SLC25A26: variants seen among roughly 807,000 people sequenced by gnomAD.
SLC25A26 encodes mitochondrial S-adenosylmethionine carrier protein.
SLC25A26 carries 36 observed loss-of-function variants against 37.8 expected under a neutral mutation model. The ratio of observed to expected loss-of-function variants is 0.95; its 90% CI spans 0.73 to 1.26. The LOEUF is 1.26. Ranked by LOEUF, SLC25A26 falls within the 50% of genes most tolerant of loss-of-function variation. The pLI is 0.00. For missense variants in SLC25A26, 390 were observed against 331.1 expected, an observed-to-expected ratio of 1.18 and a Z score of -1.38; for synonymous variants, 129 against 122.5, an observed-to-expected ratio of 1.05 and a Z score of -0.35.
At chr3:66,145,781 C>G (rs960785963) in intron 1 of SLC25A26, among the ~76,000 whole-genome samples, 1 of 152,044 alleles carries the variant, frequency 6.6e-6, no homozygotes, top group African/African-American at 2.4e-5. Flanking sequence ...GAAAACTAGT[C>G]AAATCCAAAA....
intron 1 of SLC25A26, among the ~76,000 whole-genome samples, chr3:66,139,394 A>G (rs1015437570): frequency 3.4e-4 from 52 of 152,354 alleles, no homozygotes; most frequent in African/African-American, 1.3e-3. Flanking sequence ...AATGCCTCCA[A>G]TAAAAAGAAA....
At chr3:66,277,796 C>G (rs1488325659) in intron 5 of SLC25A26, among the ~76,000 whole-genome samples, 2 of 152,030 alleles carry the variant, frequency 1.3e-5, no homozygotes, top group Non-Finnish European at 2.9e-5. Flanking sequence ...TCATACATCT[C>G]TAATATAATG....
intron 1 of SLC25A26, among the ~76,000 whole-genome samples, chr3:66,165,863 C>A (rs978560435): frequency 6.6e-6 from 1 of 152,040 alleles, no homozygotes; most frequent in African/African-American, 2.4e-5. Context: ...GGAAACACAA[C>A]ATGCAAGGAG....
At chr3:66,262,359 G>A (rs2073563883) in intron 4 of SLC25A26, among the ~76,000 whole-genome samples, 1 of 152,118 alleles carries the variant, frequency 6.6e-6, no homozygotes, top group South Asian at 2.1e-4. Context: ...AAATTTCTGA[G>A]CATAACATTG....
intron 1 of SLC25A26, among the ~76,000 whole-genome samples, chr3:66,193,258 G>C (rs1406271341): frequency 1.3e-5 from 2 of 152,012 alleles, no homozygotes; most frequent in African/African-American, 4.8e-5. Context: ...ACTACAATTT[G>C]TTATATAAAT....
intron 5 of SLC25A26, among the ~76,000 whole-genome samples, chr3:66,331,993 ACGATCTTGGCTCG>A (rs67702744): frequency 0.045 from 6,856 of 152,042 alleles, 522 homozygotes; most frequent in African/African-American, 0.15. Flanking sequence ...GTGCAATGGC[ACGATCTTGGCTCG>A]CTGCATCCCC....
In SLC25A26 at chr3:66,239,204, G is replaced by A. The variant is rs144915277; in HGVS notation, c.190+2504G>A. ...AAGTTGTCTTCTGTTAATTCCTCTG[G>A]TGTGGTGTCTGTTAGCTCTTGAATT... On this transcript the variant is annotated intron_variant, in intron 2 of 9. Transcript: ENST00000354883. Among the ~76,000 whole-genome samples, 899 of 151,330 alleles carry A rather than the reference G, an allele frequency of 5.9e-3. 72 individuals carry two copies. The East Asian group carries it at 0.15, about 26-fold the overall frequency.
intron 9 of SLC25A26, among the ~76,000 whole-genome samples, chr3:66,373,986 C>T (rs1265939664): frequency 1.3e-5 from 2 of 150,620 alleles, no homozygotes; most frequent in East Asian, 3.9e-4. Flanking sequence ...CTCTCCAGGC[C>T]ACCAGCTTGC....
rs1319980813 is a variant in SLC25A26 at position 66,221,100 on chromosome 3, C to A, written c.6C>A (p.Asp2Glu). ...TTGACGAGGTCTGAGCGACCATGGA[C>A]CGGCCGGGGTTCGTGGCAGCGCTGG... M[D>E]RPGFVAALVA... Residue 2 changes from aspartate (D) to glutamate (E), a missense_variant, in exon 1 of 10, where the codon GAC becomes GAA. Physicochemically the swap from Asp to Glu is conservative, Grantham distance 45. Transcript: ENST00000354883. The A allele has an allele frequency of 1.3e-6, 2 of 1,533,324 alleles. No homozygotes were observed. Among genetic ancestry groups the A allele is most frequent in the East Asian group, 5.0e-5 (2 of 40,288 alleles). 95.0% of individuals were successfully genotyped at this position (1,533,324 alleles called of 1,614,324 possible).
intron 1 of SLC25A26, among the ~76,000 whole-genome samples, chr3:66,175,109 G>GTATATATATATATATATA (rs769631849): frequency 6.2e-5 from 6 of 97,330 alleles, no homozygotes; most frequent in Admixed American, 1.2e-4. Context: ...ATGTGTGTGT[G>GTATATATATATATATATA]TATATATATA....
chr3:66,152,107 C>A (rs1031590390), intron 1 of SLC25A26, among the ~76,000 whole-genome samples: 1 of 152,080 alleles, frequency 6.6e-6, no homozygotes, highest in Non-Finnish European at 1.5e-5. Context: ...TTGAGAGATC[C>A]GTTATCTAAG....
intron 5 of SLC25A26, among the ~76,000 whole-genome samples, chr3:66,337,056 A>G (rs1197136970): frequency 2.0e-5 from 3 of 152,166 alleles, no homozygotes; most frequent in Admixed American, 6.6e-5. Flanking sequence ...ACTCCTGGAA[A>G]TAGGATGAAA....
intron 1 of SLC25A26, among the ~76,000 whole-genome samples, chr3:66,191,658 G>C (rs1480793952): frequency 6.6e-6 from 1 of 151,696 alleles, no homozygotes; most frequent in Non-Finnish European, 1.5e-5. Context: ...GGGAGGGTGA[G>C]GTGGGTGGAT....
At chr3:66,272,540 G>C (rs939861829) in intron 5 of SLC25A26, among the ~76,000 whole-genome samples, 4 of 152,072 alleles carry the variant, frequency 2.6e-5, no homozygotes, top group Non-Finnish European at 1.5e-5. Context: ...ACTGTGGCTT[G>C]TAAGTGCATA....
At chr3:66,230,599 T>G (rs1201702878) in intron 1 of SLC25A26, among the ~76,000 whole-genome samples, 9 of 148,980 alleles carry the variant, frequency 6.0e-5, no homozygotes, top group East Asian at 2.0e-4. Flanking sequence ...AGGTTTGGAG[T>G]TCAAGACCAG....
intron 5 of SLC25A26, among the ~76,000 whole-genome samples, chr3:66,299,240 G>A (rs2074999443): frequency 6.6e-6 from 1 of 152,144 alleles, no homozygotes; most frequent in Non-Finnish European, 1.5e-5. Context: ...CACCCAGGCT[G>A]GAGTGCAGTG....
intron 1 of SLC25A26, among the ~76,000 whole-genome samples, chr3:66,161,280 TA>T (rs2070354540): frequency 6.6e-6 from 1 of 152,184 alleles, no homozygotes; most frequent in South Asian, 2.1e-4. Flanking sequence ...GGAATCAGCA[TA>T]AACTGGATCT....
chr3:66,200,459 A>C (rs2071094644), intron 1 of SLC25A26, among the ~76,000 whole-genome samples: 1 of 152,250 alleles, frequency 6.6e-6, no homozygotes, highest in Non-Finnish European at 1.5e-5. Context: ...TCCAAGTGTC[A>C]TGGCCATCAC....
chr3:66,363,980 A>T (rs2076770799), intron 7 of SLC25A26, among the ~76,000 whole-genome samples: 1 of 151,730 alleles, frequency 6.6e-6, no homozygotes, highest in Non-Finnish European at 1.5e-5. Context: ...TTCATTTTCC[A>T]GAGGTCAGGA....
Sources: allele counts gnomAD v4.1 joint callset (sites outside exome capture counted in the v4.1 genomes callset), GRCh38; gene constraint gnomAD v4.1.1; transcripts MANE v1.5; gene names NCBI Gene and HGNC (gene_info 2026-07-23, HGNC 2026-07-21).